The following B3GALT1 variants were observed in gnomAD, a reference collection of about 807,000 sequenced individuals.
The protein encoded by B3GALT1 is UDP-Gal:betaGlcNAc beta 1,3-galactosyltransferase, polypeptide 1.
A neutral mutation model predicts 23.2 loss-of-function variants in B3GALT1; 10 were observed. The ratio of observed to expected loss-of-function variants is 0.43; its 90% CI spans 0.27 to 0.73. B3GALT1 has a LOEUF of 0.73. Ranked by LOEUF, B3GALT1 falls within the 30% of genes least tolerant of loss-of-function variation. The probability of loss-of-function intolerance (pLI) is 0.21; values close to 1 mark genes in which losing one functional copy is unlikely to be tolerated. For missense variants in B3GALT1, 299 were observed against 405.4 expected (o/e 0.74, Z 2.25); for synonymous variants, 156 against 141.5 (o/e 1.10, Z -0.73).
chr2:167,408,452 A>G (rs181650564), intron 1 of B3GALT1, among the ~76,000 whole-genome samples: 103 of 152,282 alleles, frequency 6.8e-4, no homozygotes, highest in Non-Finnish European at 9.3e-4. Context: ...CTCAAAGGAG[A>G]TGAACAGGAC....
intron 3 of B3GALT1, among the ~76,000 whole-genome samples, chr2:167,696,053 T>C (rs907848991): frequency 2.0e-5 from 3 of 152,262 alleles, no homozygotes; most frequent in South Asian, 2.1e-4. Flanking sequence ...TTAACTGGCA[T>C]CCATGTGCCC....
Position 167,429,241 on chromosome 2 carries a change from G to A in B3GALT1, c.-510-60936G>A, listed in dbSNP as rs189348608. On this transcript the variant is annotated intron_variant, in intron 1 of 4. Coordinates refer to ENST00000392690, the MANE Select transcript of B3GALT1 (RefSeq NM_020981.4). ...GCTTGCAGTGAGCCGAGATCGCGCC[G>A]CTGCACTCCAGCCTGGGTGACAAAG... 7.6e-3 allele frequency among the ~76,000 whole-genome samples: 1,104 copies of A among 144,740 alleles called. 11 individuals are homozygous for A. The highest frequency in any genetic ancestry group is 0.035 in the South Asian group (160 of 4,630). 95.0% of individuals were successfully genotyped at this position (144,740 alleles called of 152,430 possible).
chr2:167,810,398 G>T (rs1688861986), intron 3 of B3GALT1, among the ~76,000 whole-genome samples: 7 of 150,020 alleles, frequency 4.7e-5, no homozygotes, highest in Admixed American at 4.6e-4. Context: ...GAGTGGAGCT[G>T]TTCCTATTCG....
At chr2:167,387,802 C>T (rs1380849739) in intron 1 of B3GALT1, among the ~76,000 whole-genome samples, 2 of 152,182 alleles carry the variant, frequency 1.3e-5, no homozygotes, top group African/African-American at 4.8e-5. Flanking sequence ...TTAATCTCTA[C>T]TGCCAGTCCT....
chr2:167,389,903 C>T (rs113134216), intron 1 of B3GALT1, among the ~76,000 whole-genome samples: 4,567 of 140,456 alleles, frequency 0.033, 247 homozygotes, highest in African/African-American at 0.11. Flanking sequence ...AGAGGGATAC[C>T]CTGTCCAAAA....
At chr2:167,348,387 G>A (rs960849258) in intron 1 of B3GALT1, among the ~76,000 whole-genome samples, 2 of 151,914 alleles carry the variant, frequency 1.3e-5, no homozygotes, top group African/African-American at 4.8e-5. Context: ...TTCTTTTTGA[G>A]CATTACTACC....
At chr2:167,326,682 A>G (rs1224500204) in intron 1 of B3GALT1, among the ~76,000 whole-genome samples, 1 of 151,300 alleles carries the variant, frequency 6.6e-6, no homozygotes, top group African/African-American at 2.4e-5. Context: ...TCCCCTGCCC[A>G]TTTATTTATT....
At chr2:167,843,173 AG>A (rs754281365) in intron 4 of B3GALT1, among the ~76,000 whole-genome samples, 13 of 152,228 alleles carry the variant, frequency 8.5e-5, no homozygotes, top group Non-Finnish European at 1.5e-4. Context: ...AAAAAGTAAA[AG>A]TTTGCAGCTG....
At chr2:167,308,803 GCAAGTGACT>G (rs1221522866) in intron 1 of B3GALT1, among the ~76,000 whole-genome samples, 6 of 152,102 alleles carry the variant, frequency 3.9e-5, no homozygotes, top group African/African-American at 1.2e-4. Context: ...CAGTGGCCTG[GCAAGTGACT>G]TGATGGCTGA....
intron 1 of B3GALT1, among the ~76,000 whole-genome samples, chr2:167,316,890 C>T (rs542871012): frequency 6.6e-6 from 1 of 152,116 alleles, no homozygotes; most frequent in Non-Finnish European, 1.5e-5. Context: ...AAGATACACA[C>T]CTTCCACAAA....
chr2:167,479,501 A>C (rs1699532556), intron 1 of B3GALT1, among the ~76,000 whole-genome samples: 1 of 152,178 alleles, frequency 6.6e-6, no homozygotes, highest in East Asian at 1.9e-4. Flanking sequence ...CTTTTGTTTT[A>C]AAACTCTGTA....
At chr2:167,759,756 T>G (rs1167057592) in intron 3 of B3GALT1, among the ~76,000 whole-genome samples, 1 of 152,096 alleles carries the variant, frequency 6.6e-6, no homozygotes, top group Non-Finnish European at 1.5e-5. Context: ...GGGGAAAAAC[T>G]GAAACATGCC....
At chr2:167,458,717 G>A (rs149330640) in intron 1 of B3GALT1, among the ~76,000 whole-genome samples, 1 of 152,206 alleles carries the variant, frequency 6.6e-6, no homozygotes, top group African/African-American at 2.4e-5. Context: ...TTGATTTGTG[G>A]CATCTTTTCA....
intron 2 of B3GALT1, among the ~76,000 whole-genome samples, chr2:167,640,924 T>G (rs1685642636): frequency 6.6e-6 from 1 of 152,124 alleles, no homozygotes; most frequent in Non-Finnish European, 1.5e-5. Flanking sequence ...TCATAAAATT[T>G]TATATATTGA....
At chr2:167,763,025 T>C (rs2105300013) in intron 3 of B3GALT1, among the ~76,000 whole-genome samples, 1 of 152,324 alleles carries the variant, frequency 6.6e-6, no homozygotes, top group East Asian at 1.9e-4. Flanking sequence ...TACGTCTATT[T>C]GAAATAAAAT....
intron 2 of B3GALT1, among the ~76,000 whole-genome samples, chr2:167,564,106 C>T (rs1474793734): frequency 9.3e-5 from 14 of 150,892 alleles, no homozygotes; most frequent in South Asian, 2.1e-4. Context: ...ACCTCTCAGA[C>T]GGGGCGGCTG....
chr2:167,751,486 A>G (rs1687737434), intron 3 of B3GALT1, among the ~76,000 whole-genome samples: 1 of 152,136 alleles, frequency 6.6e-6, no homozygotes, highest in African/African-American at 2.4e-5. Context: ...CAGAACAGAG[A>G]ATTTTTTGCC....
intron 3 of B3GALT1, among the ~76,000 whole-genome samples, chr2:167,764,454 C>A (rs1356501159): frequency 6.6e-6 from 1 of 152,170 alleles, no homozygotes; most frequent in Non-Finnish European, 1.5e-5. Context: ...ATCCCAGAGA[C>A]ATAAATGGTT....
At chr2:167,499,454 G>A (rs1194130596) in intron 2 of B3GALT1, among the ~76,000 whole-genome samples, 1 of 152,014 alleles carries the variant, frequency 6.6e-6, no homozygotes. Context: ...TGAGACTCAA[G>A]GATTTAGCAG....
Sources: gnomAD v4.1 joint callset for allele counts (sites outside exome capture counted in the v4.1 genomes callset) on GRCh38, gnomAD v4.1.1 for gene constraint, MANE v1.5 for transcripts, NCBI Gene and HGNC (gene_info 2026-07-23, HGNC 2026-07-21) for gene names.